The following PCDH7 variants were observed in gnomAD, a reference collection of about 807,000 sequenced individuals.
PCDH7 encodes the protein protocadherin-7.
PCDH7 carries 17 observed loss-of-function variants against 58.9 expected under a neutral mutation model. The ratio of observed to expected loss-of-function variants is 0.29; its 90% CI spans 0.20 to 0.43. The LOEUF (loss-of-function observed/expected upper bound fraction) is 0.43. Ranked by LOEUF, PCDH7 falls within the 20% of genes least tolerant of loss-of-function variation. The pLI, the probability that PCDH7 is intolerant of heterozygous loss-of-function variation, is 1.00. For synonymous variants in PCDH7, 664 were observed against 616.4 expected, an observed-to-expected ratio of 1.08 and a Z score of -1.14; for missense variants, 1,274 against 1,441.0, an observed-to-expected ratio of 0.88 and a Z score of 1.88.
intron 3 of PCDH7, among the ~76,000 whole-genome samples, chr4:31,095,785 T>C (rs1713891386): frequency 6.6e-6 from 1 of 152,182 alleles, no homozygotes; most frequent in African/African-American, 2.4e-5. Flanking sequence ...TAGGACACTT[T>C]CTGTTAATTT....
intron 3 of PCDH7, among the ~76,000 whole-genome samples, chr4:31,128,318 C>A (rs1718566939): frequency 6.6e-6 from 1 of 151,868 alleles, no homozygotes; most frequent in Non-Finnish European, 1.5e-5. Context: ...ATGATTATAC[C>A]CATTTTAAAT....
intron 1 of PCDH7, among the ~76,000 whole-genome samples, chr4:30,827,660 A>T (rs751802878): frequency 3.3e-5 from 5 of 152,230 alleles, no homozygotes; most frequent in African/African-American, 7.2e-5. Flanking sequence ...CTACAAGGCC[A>T]TCAATCTACA....
intron 1 of PCDH7, among the ~76,000 whole-genome samples, chr4:30,895,626 AT>A (rs34462254): frequency 1.3e-5 from 2 of 151,946 alleles, no homozygotes; most frequent in Admixed American, 6.6e-5. Context: ...GCAGGACATT[AT>A]TTTTTTTCAG....
chr4:30,754,004 A>G (rs77879407), intron 1 of PCDH7, among the ~76,000 whole-genome samples: 5,534 of 152,296 alleles, frequency 0.036, 262 homozygotes, highest in East Asian at 0.22. Context: ...ACAGCACTGT[A>G]TACTTTTAAA....
At chr4:30,988,771 A>G (rs536258474) in intron 3 of PCDH7, among the ~76,000 whole-genome samples, 34 of 152,340 alleles carry the variant, frequency 2.2e-4, no homozygotes, top group African/African-American at 8.2e-4. Flanking sequence ...TAGTGTTACA[A>G]AAATAACAAG....
In PCDH7 at chr4:30,763,420, G is replaced by T. The variant is rs141807716; in HGVS notation, c.70+38824G>T. Among the ~76,000 whole-genome samples, 709 of 152,238 alleles carry T rather than the reference G, an allele frequency of 4.7e-3. 6 individuals are homozygous for T. The highest frequency in any genetic ancestry group is 0.016 in the African/African-American group (671 of 41,538). On this transcript the variant is annotated intron_variant, in intron 1 of 3. Coordinates refer to the PCDH7 transcript ENST00000509759. ...TGATCTTTATCTAAACAATGCAGGG[G>T]AAATTATTTCGAATGTCAACAGCTC...
intron 3 of PCDH7, among the ~76,000 whole-genome samples, chr4:31,120,351 C>A (rs1316114480): frequency 6.6e-6 from 1 of 150,390 alleles, no homozygotes; most frequent in Non-Finnish European, 1.5e-5. Context: ...TTTTTCCATT[C>A]CTTTCCTCTT....
chr4:30,996,771 G>A (rs998926840), intron 3 of PCDH7, among the ~76,000 whole-genome samples: 2 of 152,206 alleles, frequency 1.3e-5, no homozygotes, highest in Admixed American at 6.5e-5. Flanking sequence ...GATGAGAACA[G>A]TGCTTAGGAG....
chr4:30,864,684 A>G (rs1734654402), intron 1 of PCDH7, among the ~76,000 whole-genome samples: 1 of 152,030 alleles, frequency 6.6e-6, no homozygotes. Flanking sequence ...TTGCACTTTC[A>G]AAGTTCAGCT....
intron 3 of PCDH7, among the ~76,000 whole-genome samples, chr4:31,138,061 T>G (rs1310457585): frequency 6.6e-6 from 1 of 152,094 alleles, no homozygotes; most frequent in Non-Finnish European, 1.5e-5. Context: ...TAATTTTGTC[T>G]CTAATGGGTT....
chr4:31,108,369 T>TAAAAAAAAAAAAAAAAAAAA (rs71190491), intron 3 of PCDH7, among the ~76,000 whole-genome samples: 7 of 60,094 alleles, frequency 1.2e-4, no homozygotes, highest in Non-Finnish European at 2.6e-4. Context: ...CAGCATACAG[T>TAAAAAAAAAAAAAAAAAAAA]AAAAAAAAAA....
chr4:30,857,536 G>A (rs1733630072), intron 1 of PCDH7, among the ~76,000 whole-genome samples: 1 of 152,084 alleles, frequency 6.6e-6, no homozygotes, highest in African/African-American at 2.4e-5. Flanking sequence ...GCTCGTCTGG[G>A]TTGTGCATAG....
At chr4:30,952,749 T>A (rs2109449769) in intron 3 of PCDH7, among the ~76,000 whole-genome samples, 1 of 152,246 alleles carries the variant, frequency 6.6e-6, no homozygotes, top group South Asian at 2.1e-4. Flanking sequence ...CTGTATGTTT[T>A]TAGGACTTTT....
chr4:30,969,172 T>C (rs1002146266), intron 3 of PCDH7, among the ~76,000 whole-genome samples: 1 of 152,148 alleles, frequency 6.6e-6, no homozygotes, highest in Non-Finnish European at 1.5e-5. Context: ...GCAGCCAACG[T>C]CCATCCTGAA....
At chr4:31,054,580 G>A (rs889794195) in intron 3 of PCDH7, among the ~76,000 whole-genome samples, 1 of 152,120 alleles carries the variant, frequency 6.6e-6, no homozygotes, top group African/African-American at 2.4e-5. Flanking sequence ...CTAACACATT[G>A]GAAAATTCTT....
At chr4:30,876,694 G>A (rs1418707180) in intron 1 of PCDH7, among the ~76,000 whole-genome samples, 1 of 151,990 alleles carries the variant, frequency 6.6e-6, no homozygotes, top group African/African-American at 2.4e-5. Context: ...AGGTGGAGAT[G>A]TGAGTCATTT....
At chr4:30,906,691 A>G (rs151156641) in intron 1 of PCDH7, among the ~76,000 whole-genome samples, 2 of 152,324 alleles carry the variant, frequency 1.3e-5, no homozygotes, top group East Asian at 1.9e-4. Context: ...GTGCTGTTAT[A>G]TAGCATCTTG....
At chr4:30,890,098 A>G (rs896617141) in intron 1 of PCDH7, among the ~76,000 whole-genome samples, 3 of 152,130 alleles carry the variant, frequency 2.0e-5, no homozygotes, top group African/African-American at 7.2e-5. Context: ...ACCATGTTCT[A>G]TGTACAGCAT....
intron 1 of PCDH7, among the ~76,000 whole-genome samples, chr4:30,817,835 T>G (rs187512087): frequency 6.6e-6 from 1 of 152,304 alleles, no homozygotes; most frequent in East Asian, 1.9e-4. Flanking sequence ...GCACTCTATT[T>G]TTAAAACCAT....
Sources: allele counts gnomAD v4.1 joint callset (sites outside exome capture counted in the v4.1 genomes callset), GRCh38; gene constraint gnomAD v4.1.1; transcripts MANE v1.5; gene names NCBI Gene and HGNC (gene_info 2026-07-23, HGNC 2026-07-21).